The following TIAM1 variants were observed in gnomAD, a reference collection of about 807,000 sequenced individuals.
TIAM1 encodes the protein rho guanine nucleotide exchange factor TIAM1.
TIAM1 carries 65 observed loss-of-function variants against 163.5 expected under a neutral mutation model. That is an observed-to-expected ratio of 0.40 (90% CI 0.33 to 0.49). TIAM1 has a LOEUF of 0.49. Ranked by LOEUF, TIAM1 falls within the 20% of genes least tolerant of loss-of-function variation. TIAM1 has a pLI of 0.77. For synonymous variants in TIAM1, 833 were observed against 810.1 expected, an observed-to-expected ratio of 1.03 and a Z score of -0.48; for missense variants, 1,789 against 2,044.7, an observed-to-expected ratio of 0.87 and a Z score of 2.41.
chr21:31,136,135 T>C, intron 22 of TIAM1, 94 bp from the exon 23 acceptor site: 2 of 1,112,074 alleles, frequency 1.8e-6, no homozygotes, highest in Admixed American at 4.2e-5. Flanking sequence ...GATATTAATT[T>C]TACTTCAAGA....
At chr21:31,421,130 TA>T (rs71193115) in intron 2 of TIAM1, among the ~76,000 whole-genome samples, 18,312 of 135,004 alleles carry the variant, frequency 0.14, 1,726 homozygotes, top group African/African-American at 0.28. Flanking sequence ...GACTTCCTCT[TA>T]AAAAAAAAAA....
chr21:31,467,294 T>G (rs1483341397), intron 1 of TIAM1, among the ~76,000 whole-genome samples: 6 of 152,138 alleles, frequency 3.9e-5, no homozygotes, highest in Non-Finnish European at 8.8e-5. Flanking sequence ...TTCACAACAC[T>G]GCACTCCAGC....
At chr21:31,327,278 C>T (rs1017548743) in intron 2 of TIAM1, among the ~76,000 whole-genome samples, 8 of 152,178 alleles carry the variant, frequency 5.3e-5, no homozygotes, top group African/African-American at 1.9e-4. Context: ...CGCTTGAACT[C>T]ATTCTAGAAT....
chr21:31,480,440 A>G (rs1181126047), intron 1 of TIAM1, among the ~76,000 whole-genome samples: 1 of 152,162 alleles, frequency 6.6e-6, no homozygotes, highest in Non-Finnish European at 1.5e-5. Context: ...CTTGGGCTCT[A>G]TTGCCTAATA....
chr21:31,234,520 C>G (rs2088635143), intron 6 of TIAM1, among the ~76,000 whole-genome samples: 1 of 151,996 alleles, frequency 6.6e-6, no homozygotes, highest in South Asian at 2.1e-4. Flanking sequence ...GTGGCTTAAA[C>G]CTGTAATCTC....
intron 2 of TIAM1, chr21:31,463,957 C>T (rs764274697): frequency 6.6e-6 from 1 of 152,140 alleles, no homozygotes; most frequent in African/African-American, 2.4e-5. Context: ...CATGACAGGG[C>T]GTATATGAAA....
chr21:31,439,078 A>G (rs2044324988), intron 2 of TIAM1, among the ~76,000 whole-genome samples: 1 of 152,170 alleles, frequency 6.6e-6, no homozygotes, highest in Non-Finnish European at 1.5e-5. Flanking sequence ...CATGCAGGGG[A>G]AAGTGCTATC....
At chr21:31,512,237 C>CGG (rs1394888944) in intron 1 of TIAM1, among the ~76,000 whole-genome samples, 13 of 152,102 alleles carry the variant, frequency 8.5e-5, no homozygotes, top group African/African-American at 3.1e-4. Flanking sequence ...GCTGGGACTA[C>CGG]AGGCACATAT....
chr21:31,243,237 ATATATG>A (rs2071313074), intron 6 of TIAM1, among the ~76,000 whole-genome samples: 1 of 146,058 alleles, frequency 6.8e-6, no homozygotes, highest in Admixed American at 6.9e-5. Context: ...TATATTTCAT[ATATATG>A]TATATTTTAT....
chr21:31,489,640 T>C (rs2046400442), intron 1 of TIAM1, among the ~76,000 whole-genome samples: 1 of 151,332 alleles, frequency 6.6e-6, no homozygotes, highest in African/African-American at 2.4e-5. Flanking sequence ...TCTACAACCA[T>C]GACCTTAGGA....
At chr21:31,401,578 C>T (rs1275342294) in intron 2 of TIAM1, among the ~76,000 whole-genome samples, 1 of 152,106 alleles carries the variant, frequency 6.6e-6, no homozygotes, top group Non-Finnish European at 1.5e-5. Flanking sequence ...CCCTTGCATC[C>T]CAGCAGAAGC....
intron 27 of TIAM1, among the ~76,000 whole-genome samples, chr21:31,123,407 G>A (rs770045943): frequency 3.3e-5 from 5 of 152,172 alleles, no homozygotes; most frequent in African/African-American, 4.8e-5. Flanking sequence ...GCATATGGAC[G>A]TATGAAAGAC....
upstream of TIAM1, among the ~76,000 whole-genome samples, chr21:31,349,124 T>G (rs1055804423): frequency 3.3e-5 from 5 of 152,212 alleles, no homozygotes; most frequent in Non-Finnish European, 7.3e-5. Flanking sequence ...CCTTCTGAGC[T>G]CTATCTTCCA....
chr21:31,471,458 T>A (rs1209230553), intron 1 of TIAM1, among the ~76,000 whole-genome samples: 2 of 142,500 alleles, frequency 1.4e-5, no homozygotes, highest in African/African-American at 5.2e-5. Context: ...TTGGGATTAG[T>A]ATCAGAGCTC....
In TIAM1 at chr21:31,127,426, T is replaced by C. The variant is rs74507466; in HGVS notation, c.4046-274A>G. ...TATGGACCGAACTTTTTTTTTTTTT[T>C]TTTCTTTTTTGAGATGGAGTCTCAT... On this transcript the variant is annotated intron_variant, in intron 25 of 27. Coordinates refer to ENST00000541036, the MANE Select transcript of TIAM1 (RefSeq NM_001353694.2). Among the ~76,000 whole-genome samples, 5 of 151,836 alleles carry C rather than the reference T, an allele frequency of 3.3e-5. No individual in the cohort carries two copies. In the South Asian group the frequency reaches 1.0e-3, roughly 32 times the overall value.
Position 31,540,927 on chromosome 21 carries a change from C to T in TIAM1, c.-422+18000G>A, listed in dbSNP as rs183933392. Among the ~76,000 whole-genome samples, 88 of 152,122 alleles carry T rather than the reference C, an allele frequency of 5.8e-4. 1 individual carries two copies. Among genetic ancestry groups the T allele is most frequent in the African/African-American group, 2.1e-3 (86 of 41,488 alleles). ...AAATAAAGTGAAATGATTAAGATTC[C>T]GTTGCTAGTTAGGCTGTGGTGAGTC... On this transcript the variant is annotated intron_variant, in intron 1 of 28. Transcript: ENST00000286827.
chr21:31,530,503 C>T (rs955722656), intron 1 of TIAM1, among the ~76,000 whole-genome samples: 20 of 152,238 alleles, frequency 1.3e-4, no homozygotes, highest in Admixed American at 1.2e-3. Flanking sequence ...ACCAGCTCAA[C>T]GTACTAAAGC....
At chr21:31,287,254 G>T (rs2073845174) in intron 2 of TIAM1, among the ~76,000 whole-genome samples, 1 of 152,276 alleles carries the variant, frequency 6.6e-6, no homozygotes, top group Admixed American at 6.5e-5. Context: ...TACGCTTAGG[G>T]CTATCTAAAA....
At chr21:31,281,085 C>CAAAAAAAAAAAA (rs748020575) in intron 2 of TIAM1, among the ~76,000 whole-genome samples, 1 of 63,734 alleles carries the variant, frequency 1.6e-5, no homozygotes. Flanking sequence ...GACCCTAACT[C>CAAAAAAAAAAAA]AAAAAAAAAA....
Sources: allele counts gnomAD v4.1 joint callset (sites outside exome capture counted in the v4.1 genomes callset), GRCh38; gene constraint gnomAD v4.1.1; transcripts MANE v1.5; gene names NCBI Gene and HGNC (gene_info 2026-07-23, HGNC 2026-07-21).